Variants in MCF2L2 observed in about 807,000 individuals in gnomAD.
MCF2L2 encodes probable guanine nucleotide exchange factor MCF2L2.
In MCF2L2, 102 loss-of-function variants were observed where a neutral mutation model predicts 150.2. The observed-to-expected ratio is 0.68, with a 90% CI of 0.58 to 0.80. The LOEUF (loss-of-function observed/expected upper bound fraction) is 0.80, where lower values mean the gene tolerates loss of function less well. Ranked by LOEUF, MCF2L2 falls within the 30% of genes least tolerant of loss-of-function variation. The pLI is 0.00. For synonymous variants in MCF2L2, 465 were observed against 491.3 expected (o/e 0.95, Z 0.71); for missense variants, 1,256 against 1,372.8 (o/e 0.91, Z 1.34).
At chr3:183,334,989 G>A (rs1448384548) in intron 5 of MCF2L2, among the ~76,000 whole-genome samples, 3 of 151,418 alleles carry the variant, frequency 2.0e-5, no homozygotes, top group Non-Finnish European at 2.9e-5. Flanking sequence ...CTGGTGGTGC[G>A]TACCTGTGGT....
chr3:183,402,099 A>G (rs1397826807), intron 1 of MCF2L2, among the ~76,000 whole-genome samples: 1 of 152,182 alleles, frequency 6.6e-6, no homozygotes, highest in Non-Finnish European at 1.5e-5. Flanking sequence ...TTAAAAGTAC[A>G]GTAAGTTTGT....
chr3:183,267,222 A>G lies in MCF2L2; in HGVS notation c.1862+9650T>C, dbSNP rs1726236515. 6.6e-6 allele frequency among the ~76,000 whole-genome samples: 1 copy of G among 152,204 alleles called. No homozygotes were observed. Among genetic ancestry groups the G allele is most frequent in the Non-Finnish European group, 1.5e-5 (1 of 68,038 alleles). ...CAGTACACTCTGTATTTAAAAAAAAAAATGCTGGTTGTGGCTTCCTAAGTG... is the reference window on the plus strand; with the variant it reads ...CAGTACACTCTGTATTTAAAAAAAAGAATGCTGGTTGTGGCTTCCTAAGTG... On this transcript the variant is annotated intron_variant, in intron 15 of 29. Coordinates refer to ENST00000328913, the MANE Select transcript of MCF2L2 (RefSeq NM_015078.4). This position sits in a 1 kb window ranked among gnomAD's most constrained non-coding sequence, Gnocchi z 5.5.
chr3:183,398,579 A>G (rs550026643), intron 1 of MCF2L2, among the ~76,000 whole-genome samples: 99 of 152,030 alleles, frequency 6.5e-4, no homozygotes, highest in African/African-American at 2.2e-3. Context: ...AAAAGAAAAA[A>G]GGGAGGAGGG....
chr3:183,232,985 G>A (rs1723627239), intron 15 of MCF2L2, among the ~76,000 whole-genome samples: 1 of 152,138 alleles, frequency 6.6e-6, no homozygotes, highest in South Asian at 2.1e-4. Context: ...AATGTTCATT[G>A]TTTATAATTA....
chr3:183,262,153 A>C (rs1385510253), intron 15 of MCF2L2, among the ~76,000 whole-genome samples: 1 of 127,028 alleles, frequency 7.9e-6, no homozygotes, highest in Non-Finnish European at 1.5e-5. Context: ...ATATACACTA[A>C]GGGTTAGTCT....
rs370416284 is a variant in MCF2L2 at position 183,415,637 on chromosome 3, CT to C, written c.76+12264del. Among the ~76,000 whole-genome samples the C allele has an allele frequency of 2.9e-3, 443 of 152,182 alleles. 4 individuals carry two copies. Among genetic ancestry groups the C allele is most frequent in the African/African-American group, 9.9e-3 (410 of 41,522 alleles). On this transcript the variant is annotated intron_variant, in intron 1 of 29. Transcript: ENST00000328913. ...AAATATCCTTGTGTATCTCTAGTGA[CT>C]TTTTTTGTTTTAAGTCTACTGTATC...
At chr3:183,391,148 G>C (rs1714120918) in intron 1 of MCF2L2, among the ~76,000 whole-genome samples, 1 of 152,164 alleles carries the variant, frequency 6.6e-6, no homozygotes, top group Non-Finnish European at 1.5e-5. Flanking sequence ...TTTTGGTGTG[G>C]AGGTTAAAGG....
At position 183,219,885 on chromosome 3, in the gene MCF2L2, C is replaced by G; in HGVS notation, c.2341G>C (p.Asp781His). 5.0e-6 allele frequency: 8 copies of G among 1,613,584 alleles called. No homozygotes were observed. The highest frequency in any genetic ancestry group is 6.8e-6 in the Non-Finnish European group (8 of 1,179,570). ...GCCGAGCCTCCTAGTTCACCTGGGT[C>G]TATCTCCATATCTTCAGGAGACTCG... is the stretch of plus-strand genomic sequence containing the variant. Reference protein sequence around the residue: ...DFESPEDMEIDPGELGGSAKD... With the variant: ...DFESPEDMEIHPGELGGSAKD... Residue 781 changes from aspartate to histidine, a missense_variant, in exon 21 of 30, where the codon GAC (aspartate) becomes CAC (histidine). Asp to His is a moderately conservative substitution (Grantham distance 81). Transcript: ENST00000328913.
At chr3:183,347,028 G>C (rs184225887) in intron 3 of MCF2L2, among the ~76,000 whole-genome samples, 1 of 152,236 alleles carries the variant, frequency 6.6e-6, no homozygotes, top group Admixed American at 6.5e-5. Flanking sequence ...AGCTGCCATT[G>C]ACTTTCTTCA....
intron 5 of MCF2L2, among the ~76,000 whole-genome samples, chr3:183,324,147 T>G (rs1729929985): frequency 6.6e-6 from 1 of 152,192 alleles, no homozygotes; most frequent in African/African-American, 2.4e-5. Context: ...ACTACACTGG[T>G]GCGCCCCGAT....
chr3:183,417,461 A>T (rs1715662061), intron 1 of MCF2L2, among the ~76,000 whole-genome samples: 1 of 150,736 alleles, frequency 6.6e-6, no homozygotes, highest in Non-Finnish European at 1.5e-5. Flanking sequence ...TTGCTTTTCA[A>T]ATCAGTTAAA....
intron 1 of MCF2L2, among the ~76,000 whole-genome samples, chr3:183,394,838 T>C (rs922689772): frequency 6.6e-6 from 1 of 152,236 alleles, no homozygotes; most frequent in Non-Finnish European, 1.5e-5. Flanking sequence ...GCTGGGGTTA[T>C]ATTGGAAAAT....
At chr3:183,310,700 T>C (rs1173285886) in intron 9 of MCF2L2, 1 of 537,060 alleles carries the variant, frequency 1.9e-6, no homozygotes, top group Non-Finnish European at 3.3e-6. Flanking sequence ...TGAAATGCCA[T>C]GTACATCAAC....
At chr3:183,275,690 TGCA>T (rs1482885877) in intron 15 of MCF2L2, among the ~76,000 whole-genome samples, 2 of 152,190 alleles carry the variant, frequency 1.3e-5, no homozygotes, top group East Asian at 3.9e-4. Flanking sequence ...CTTAGCTCAC[TGCA>T]GACTTAGCTT....
intron 15 of MCF2L2, among the ~76,000 whole-genome samples, chr3:183,240,638 CT>C (rs1723978709): frequency 6.6e-6 from 1 of 152,144 alleles, no homozygotes. Flanking sequence ...TCTTAAGGAG[CT>C]TGCTTTAAAG....
intron 23 of MCF2L2, among the ~76,000 whole-genome samples, chr3:183,207,076 G>A (rs1418280992): frequency 3.3e-5 from 5 of 152,192 alleles, no homozygotes; most frequent in Non-Finnish European, 7.4e-5. Context: ...AATCACAACA[G>A]CATAAATATA....
intron 3 of MCF2L2, among the ~76,000 whole-genome samples, chr3:183,367,750 G>C (rs1712625296): frequency 6.6e-6 from 1 of 152,128 alleles, no homozygotes; most frequent in Admixed American, 6.6e-5. Context: ...GTTTCAATTA[G>C]ATCACCAGTA....
intron 6 of MCF2L2, among the ~76,000 whole-genome samples, chr3:183,321,952 C>A (rs1202448722): frequency 6.6e-6 from 1 of 152,262 alleles, no homozygotes; most frequent in Non-Finnish European, 1.5e-5. Context: ...TGGTGGAGGT[C>A]TGTTCCTCAT....
chr3:183,259,054 G>A (rs1725346634), intron 15 of MCF2L2, among the ~76,000 whole-genome samples: 1 of 152,074 alleles, frequency 6.6e-6, no homozygotes, highest in East Asian at 1.9e-4. Flanking sequence ...TTTTTGATCT[G>A]TAGTTGGTTG....
Sources: gnomAD v4.1 joint callset for allele counts (sites outside exome capture counted in the v4.1 genomes callset) on GRCh38, gnomAD v4.1.1 for gene constraint, Gnocchi (gnomAD v3.1) non-coding constraint, MANE v1.5 for transcripts, NCBI Gene and HGNC (gene_info 2026-07-23, HGNC 2026-07-21) for gene names.